CHIC2: variants seen among roughly 807,000 people sequenced by gnomAD.
CHIC2 encodes the protein cysteine rich hydrophobic domain 2, also known as cysteine-rich hydrophobic domain-containing protein 2.
CHIC2 carries 14 observed loss-of-function variants against 25.9 expected under a neutral mutation model. That is an observed-to-expected ratio of 0.54 (90% CI 0.36 to 0.85). The LOEUF is 0.85. Ranked by LOEUF, CHIC2 falls within the 40% of genes least tolerant of loss-of-function variation. The pLI, the probability that CHIC2 is intolerant of heterozygous loss-of-function variation, is 0.01. For missense variants in CHIC2, 146 were observed against 202.0 expected (o/e 0.72, Z 1.68); for synonymous variants, 70 against 72.0 (o/e 0.97, Z 0.14).
chr4:54,040,233 T>C (rs1021662092), intron 3 of CHIC2, among the ~76,000 whole-genome samples: 3 of 152,116 alleles, frequency 2.0e-5, no homozygotes, highest in Non-Finnish European at 2.9e-5. Flanking sequence ...CAAAGGTAGT[T>C]AAGAAAAAAG....
chr4:54,085,380 T>A, the CHIC2 span, among the ~76,000 whole-genome samples: 1 of 152,192 alleles, frequency 6.6e-6, no homozygotes, highest in Non-Finnish European at 1.5e-5. Flanking sequence ...AAGACAATGG[T>A]GCTGTGTATG....
chr4:54,047,517 G>T (rs1160630845), intron 3 of CHIC2, among the ~76,000 whole-genome samples: 2 of 151,968 alleles, frequency 1.3e-5, no homozygotes, highest in African/African-American at 4.8e-5. Context: ...GATGAAGCTG[G>T]AAACCATCAT....
At chr4:54,052,392 T>C (rs772602393) in intron 1 of CHIC2, among the ~76,000 whole-genome samples, 3 of 152,206 alleles carry the variant, frequency 2.0e-5, no homozygotes, top group African/African-American at 4.8e-5. Flanking sequence ...ATTGACAGCA[T>C]TATAAATGTA....
the CHIC2 span, chr4:54,086,900 T>A: frequency 1.1e-5 from 7 of 609,620 alleles, no homozygotes; most frequent in Non-Finnish European, 2.1e-5. Context: ...AGAAGAAAGA[T>A]TGTTGGTTGG....
the CHIC2 span, among the ~76,000 whole-genome samples, chr4:54,071,544 A>C: frequency 6.6e-6 from 1 of 152,256 alleles, no homozygotes; most frequent in Non-Finnish European, 1.5e-5. Flanking sequence ...CTTGAACTCA[A>C]ATAGGATCTT....
chr4:54,046,536 C>T (rs1001806339), intron 3 of CHIC2, among the ~76,000 whole-genome samples: 1 of 152,104 alleles, frequency 6.6e-6, no homozygotes, highest in Non-Finnish European at 1.5e-5. Context: ...CTGACAAAAA[C>T]AAGAAATGGG....
intron 3 of CHIC2, among the ~76,000 whole-genome samples, chr4:54,038,734 A>G (rs2110076928): frequency 6.6e-6 from 1 of 152,318 alleles, no homozygotes; most frequent in South Asian, 2.1e-4. Context: ...CTATAAAGCT[A>G]CAGTAGGCTG....
chr4:54,088,731 T>C, the CHIC2 span, among the ~76,000 whole-genome samples: 1 of 152,192 alleles, frequency 6.6e-6, no homozygotes, highest in Non-Finnish European at 1.5e-5. Context: ...TAGAGGCAAG[T>C]ATAGGAAGAA....
At chr4:54,043,467 C>T (rs546764742) in intron 3 of CHIC2, among the ~76,000 whole-genome samples, 24 of 151,002 alleles carry the variant, frequency 1.6e-4, no homozygotes, top group Non-Finnish European at 2.8e-4. Flanking sequence ...GGCAGAAACT[C>T]TACAAGCCAG....
At chr4:54,067,296 C>CTG (rs5858255), upstream of CHIC2, among the ~76,000 whole-genome samples, 1,637 of 149,760 alleles carry the variant, frequency 0.011, 27 homozygotes, top group African/African-American at 0.032. Flanking sequence ...GTGTGTGTGT[C>CTG]TGTGTGTGTG....
At position 54,024,432 on chromosome 4, in the gene CHIC2, G is replaced by A. The variant is rs751207178; in HGVS notation, c.331-10313C>T. Among the ~76,000 whole-genome samples the A allele has an allele frequency of 1.2e-3, 176 of 151,936 alleles. 2 individuals are homozygous for A. Among genetic ancestry groups the A allele is most frequent in the Middle Eastern group, 3.4e-3 (1 of 292 alleles). ...TATACTCATTCTTATTCTTGTTCCC[G>A]TTCTTATGCCACCCACTACCTCTCC... On this transcript the variant is annotated intron_variant, in intron 3 of 5. Coordinates refer to ENST00000263921, the MANE Select transcript of CHIC2 (RefSeq NM_012110.4).
At chr4:54,036,353 AC>A (rs1716382956) in intron 3 of CHIC2, among the ~76,000 whole-genome samples, 1 of 152,160 alleles carries the variant, frequency 6.6e-6, no homozygotes, top group South Asian at 2.1e-4. Flanking sequence ...GTTTTATTGG[AC>A]AAGCTGTACA....
intron 3 of CHIC2, among the ~76,000 whole-genome samples, chr4:54,047,648 G>A (rs1227177697): frequency 6.0e-5 from 8 of 133,066 alleles, no homozygotes; most frequent in African/African-American, 2.0e-4. Flanking sequence ...GGGGACTGTT[G>A]TGGGGTGGGG....
intron 5 of CHIC2, among the ~76,000 whole-genome samples, chr4:54,010,714 G>A (rs1240464780): frequency 1.3e-5 from 2 of 151,968 alleles, no homozygotes; most frequent in African/African-American, 4.8e-5. Context: ...ACCACCCTAC[G>A]TGACTGCAGC....
chr4:54,039,156 G>A (rs548381134), intron 3 of CHIC2, among the ~76,000 whole-genome samples: 4 of 152,058 alleles, frequency 2.6e-5, no homozygotes, highest in Non-Finnish European at 5.9e-5. Context: ...GAGATCACAG[G>A]AGAAAATTTT....
chr4:54,047,487 A>C (rs1716867599), intron 3 of CHIC2, among the ~76,000 whole-genome samples: 2 of 152,246 alleles, frequency 1.3e-5, no homozygotes, highest in South Asian at 2.1e-4. Flanking sequence ...GGATGAGTTC[A>C]TGTCCTTTGT....
At chr4:54,089,252 T>C in the CHIC2 span, among the ~76,000 whole-genome samples, 2 of 152,184 alleles carry the variant, frequency 1.3e-5, no homozygotes, top group Non-Finnish European at 2.9e-5. Flanking sequence ...AGCCTTCTTT[T>C]TGATTTTTTT....
At chr4:54,062,983 G>A (rs1717382713) in intron 1 of CHIC2, among the ~76,000 whole-genome samples, 1 of 152,170 alleles carries the variant, frequency 6.6e-6, no homozygotes, top group Non-Finnish European at 1.5e-5. Flanking sequence ...TTTTTACCCT[G>A]TTAAGTCACC....
chr4:54,028,682 T>C (rs1483395198), intron 3 of CHIC2, among the ~76,000 whole-genome samples: 2 of 152,262 alleles, frequency 1.3e-5, no homozygotes, highest in African/African-American at 2.4e-5. Flanking sequence ...CATTTGTTCC[T>C]TGTAGTCTAT....
Sources: gnomAD v4.1 joint callset for allele counts (sites outside exome capture counted in the v4.1 genomes callset) on GRCh38, gnomAD v4.1.1 for gene constraint, MANE v1.5 for transcripts, NCBI Gene and HGNC (gene_info 2026-07-23, HGNC 2026-07-21) for gene names.